Variants in CUL3 observed in about 807,000 individuals in gnomAD.
CUL3 encodes cullin 3.
CUL3 carries 19 observed loss-of-function variants against 89.1 expected under a neutral mutation model. The ratio of observed to expected loss-of-function variants is 0.21; its 90% CI spans 0.15 to 0.31. The LOEUF is 0.31. Among genes scored for constraint, CUL3 ranks in the 10% least tolerant of loss-of-function variants. The pLI, the probability that CUL3 is intolerant of heterozygous loss-of-function variation, is 1.00. For synonymous variants in CUL3, 351 were observed against 308.4 expected, an observed-to-expected ratio of 1.14 and a Z score of -1.45; for missense variants, 469 against 942.3, an observed-to-expected ratio of 0.50 and a Z score of 6.58.
chr2:224,569,878 C>T (rs1184540910), intron 1 of CUL3: 1 of 867,216 alleles, frequency 1.2e-6, no homozygotes, highest in East Asian at 1.2e-4. Flanking sequence ...ATTTGAAATT[C>T]CAGGCAATTC....
intron 3 of CUL3, among the ~76,000 whole-genome samples, chr2:224,527,161 G>A (rs918685467): frequency 1.3e-5 from 2 of 152,132 alleles, no homozygotes; most frequent in Non-Finnish European, 2.9e-5. Context: ...TGTTGAAGAG[G>A]TATAGCCCAA....
intron 1 of CUL3, among the ~76,000 whole-genome samples, chr2:224,584,175 T>C (rs768333288): frequency 1.3e-5 from 2 of 152,148 alleles, no homozygotes; most frequent in African/African-American, 2.4e-5. Flanking sequence ...TTGCTGTCAC[T>C]GAAAGCGATG....
At chr2:224,529,554 G>A (rs556705150) in intron 3 of CUL3, among the ~76,000 whole-genome samples, 4 of 151,960 alleles carry the variant, frequency 2.6e-5, no homozygotes, top group African/African-American at 4.8e-5. Context: ...GCATGAACCC[G>A]GGAGGCGGAG....
At chr2:224,478,531 T>G in intron 14 of CUL3, 186 bp from the exon 15 acceptor site, 1 of 444,738 alleles carries the variant, frequency 2.2e-6, no homozygotes, top group Admixed American at 4.0e-5. Flanking sequence ...AATTATCCTT[T>G]TCAAAAATGA....
intron 1 of CUL3, among the ~76,000 whole-genome samples, chr2:224,583,167 C>T (rs1695482451): frequency 6.6e-6 from 1 of 152,054 alleles, no homozygotes; most frequent in Admixed American, 6.6e-5. Context: ...CACCTGAGGT[C>T]GGGAGTTCGA....
intron 13 of CUL3, among the ~76,000 whole-genome samples, chr2:224,491,941 T>C (rs1014445852): frequency 1.3e-5 from 2 of 152,236 alleles, no homozygotes; most frequent in South Asian, 2.1e-4. Flanking sequence ...CTTTGTATTG[T>C]AGGGATAAAT....
chr2:224,514,701 T>C lies in CUL3; in HGVS notation c.450A>G (p.Gln150=). The C allele has an allele frequency of 6.2e-7, 1 of 1,613,492 alleles. No homozygotes were observed. Among genetic ancestry groups the C allele is most frequent in the African/African-American group, 1.3e-5 (1 of 75,012 alleles). Residue 150 remains glutamine, a synonymous_variant, in exon 4 of 16, where the codon CAA becomes CAG. Transcript: ENST00000264414. ...YNLGLIIFRD[Q]VVRYGCIRDH... The stretch of plus-strand genomic sequence containing the variant: ...CCCTAATACACCCATAACGTACAAC[T>C]TGATCTCGAAAAATAATTAATCCCA...
At chr2:224,496,063 C>T (rs1037223439) in intron 12 of CUL3, 97 bp from the exon 13 acceptor site, 26 of 1,347,568 alleles carry the variant, frequency 1.9e-5, no homozygotes, top group African/African-American at 2.9e-5. Flanking sequence ...CAGGGTCTCA[C>T]TTTGTCATCC....
intron 4 of CUL3, 57 bp from the exon 5 acceptor site, chr2:224,513,695 A>C: frequency 8.0e-7 from 1 of 1,252,178 alleles, no homozygotes; most frequent in Admixed American, 2.5e-5. Context: ...AATTCACATA[A>C]AAATTACAAA....
chr2:224,566,353 G>A (rs1275753945), intron 1 of CUL3, among the ~76,000 whole-genome samples: 1 of 152,146 alleles, frequency 6.6e-6, no homozygotes, highest in Non-Finnish European at 1.5e-5. Flanking sequence ...CAAGGCTCAG[G>A]GGTTAGTAGA....
At chr2:224,511,308 T>C (rs779091536) in intron 6 of CUL3, 46 bp downstream of exon 6, 1 of 1,347,570 alleles carries the variant, frequency 7.4e-7, no homozygotes, top group Admixed American at 2.3e-5. Context: ...AAAATATCGA[T>C]AAGGCAGAGT....
At chr2:224,499,817 C>A in intron 11 of CUL3, 1 of 208,782 alleles carries the variant, frequency 4.8e-6, no homozygotes, top group South Asian at 9.1e-5. Context: ...CACGAGTGGT[C>A]TTTTCACAAA....
intron 1 of CUL3, among the ~76,000 whole-genome samples, chr2:224,582,908 A>G (rs1002865423): frequency 1.3e-5 from 2 of 152,242 alleles, no homozygotes; most frequent in African/African-American, 4.8e-5. Context: ...GGAAACCTGA[A>G]GAGGTCAAAG....
intron 3 of CUL3, among the ~76,000 whole-genome samples, 156 bp downstream of exon 3, chr2:224,535,372 G>A (rs914549832): frequency 1.3e-5 from 2 of 152,128 alleles, no homozygotes; most frequent in Non-Finnish European, 2.9e-5. Context: ...GTTTTGCCAC[G>A]CTGGCCAGGC....
intron 1 of CUL3, 33 bp from the exon 2 acceptor site, chr2:224,557,889 A>AAAAAAAAAAAAAAAAAAAC: frequency 8.8e-7 from 1 of 1,133,958 alleles, no homozygotes; most frequent in Non-Finnish European, 1.2e-6. Context: ...GAGACAAAAA[A>AAAAAAAAAAAAAAAAAAAC]AAAAAAAAAA....
chr2:224,494,122 T>C (rs1231839176), intron 13 of CUL3, among the ~76,000 whole-genome samples: 2 of 152,180 alleles, frequency 1.3e-5, no homozygotes, highest in African/African-American at 4.8e-5. Flanking sequence ...CTCTTAATTA[T>C]ACTAACTTCC....
chr2:224,518,268 T>A (rs1305486232), intron 3 of CUL3, among the ~76,000 whole-genome samples: 3 of 151,658 alleles, frequency 2.0e-5, no homozygotes. Flanking sequence ...AAGCATAAAG[T>A]TTGTAAGGTT....
intron 11 of CUL3, 107 bp from the exon 12 acceptor site, chr2:224,497,956 G>T (rs1286227271): frequency 6.4e-6 from 5 of 785,500 alleles, no homozygotes; most frequent in Middle Eastern, 2.4e-4. Flanking sequence ...GTGTGTGTGT[G>T]TATGGACTTT....
chr2:224,514,292 GA>G (rs1281241666), intron 4 of CUL3, among the ~76,000 whole-genome samples: 1 of 146,144 alleles, frequency 6.8e-6, no homozygotes, highest in Non-Finnish European at 1.5e-5. Flanking sequence ...AGCCCTTAAA[GA>G]AAAAAAAATA....
Sources: allele counts gnomAD v4.1 joint callset (sites outside exome capture counted in the v4.1 genomes callset), GRCh38; gene constraint gnomAD v4.1.1; transcripts MANE v1.5; gene names NCBI Gene and HGNC (gene_info 2026-07-23, HGNC 2026-07-21).